Variants in RUNX1 observed in about 807,000 individuals in gnomAD.
The protein encoded by RUNX1 is runt-related transcription factor 1.
RUNX1 carries 19 observed loss-of-function variants against 42.8 expected under a neutral mutation model. The ratio of observed to expected loss-of-function variants is 0.44; its 90% CI spans 0.31 to 0.65. RUNX1 has a LOEUF of 0.65. RUNX1 is among the 30% of genes least tolerant of loss of function. The pLI, the probability that RUNX1 is intolerant of heterozygous loss-of-function variation, is 0.07. For synonymous variants in RUNX1, 271 were observed against 289.4 expected, an observed-to-expected ratio of 0.94 and a Z score of 0.64; for missense variants, 528 against 672.0, an observed-to-expected ratio of 0.79 and a Z score of 2.37.
At chr21:34,821,712 G>T in intron 7 of RUNX1, 3 of 1,557,612 alleles carry the variant, frequency 1.9e-6, no homozygotes, top group Non-Finnish European at 2.6e-6. Flanking sequence ...GGAGCCATGT[G>T]TGACCAGGGA....
intron 2 of RUNX1, among the ~76,000 whole-genome samples, chr21:34,893,782 T>A (rs371244047): frequency 0.017 from 2,035 of 121,574 alleles, 39 homozygotes; most frequent in African/African-American, 0.06. Flanking sequence ...TTTTTTTTTT[T>A]TAAAAAAAAA....
At position 34,862,122 on chromosome 21, in the gene RUNX1, G is replaced by T. The variant is rs184568747; in HGVS notation, c.509-2544C>A. ...GGGGTGCATGTGGGTGTATGAGAGA[G>T]AGAGAGAGAGAGACTGAGGTGGTTC... On this transcript the variant is annotated intron_variant, in intron 5 of 8. Transcript: ENST00000675419. Among the ~76,000 whole-genome samples, 800 of 152,152 alleles carry T rather than the reference G, an allele frequency of 5.3e-3. 6 individuals carry two copies. The highest frequency in any genetic ancestry group is 0.013 in the African/African-American group (538 of 41,446).
intron 2 of RUNX1, among the ~76,000 whole-genome samples, chr21:35,001,308 TTATATA>T (rs3059374): frequency 0.098 from 13,887 of 142,360 alleles, 754 homozygotes; most frequent in Middle Eastern, 0.15. Context: ...AGTTATGGTT[TTATATA>T]TATATATATA....
At chr21:34,970,896 A>G (rs1041475230) in intron 2 of RUNX1, among the ~76,000 whole-genome samples, 2 of 152,226 alleles carry the variant, frequency 1.3e-5, no homozygotes, top group Non-Finnish European at 2.9e-5. Flanking sequence ...AAAAGAAAAA[A>G]AAAGGTCTCC....
chr21:34,890,307 C>T (rs1046871375), intron 3 of RUNX1, among the ~76,000 whole-genome samples: 2 of 152,016 alleles, frequency 1.3e-5, no homozygotes, highest in African/African-American at 2.4e-5. Context: ...TCGTGGCCTT[C>T]GGGTCGCCCG....
chr21:34,862,255 A>G (rs1252486763), intron 5 of RUNX1, among the ~76,000 whole-genome samples: 1 of 152,098 alleles, frequency 6.6e-6, no homozygotes, highest in Non-Finnish European at 1.5e-5. Context: ...GATGCATGCA[A>G]TGTCCCTTTC....
At chr21:34,836,980 G>A (rs770522116) in intron 6 of RUNX1, among the ~76,000 whole-genome samples, 2 of 152,136 alleles carry the variant, frequency 1.3e-5, no homozygotes, top group Admixed American at 1.3e-4. Context: ...ACAACGTGAG[G>A]TATTTTTTGT....
intron 8 of RUNX1, among the ~76,000 whole-genome samples, chr21:34,796,405 C>T (rs1054622431): frequency 6.6e-6 from 1 of 152,144 alleles, no homozygotes; most frequent in Non-Finnish European, 1.5e-5. Flanking sequence ...CTTATTCAAA[C>T]CCATCAGTCT....
chr21:35,013,113 A>T (rs1281742741), intron 2 of RUNX1, among the ~76,000 whole-genome samples: 1 of 152,230 alleles, frequency 6.6e-6, no homozygotes. Flanking sequence ...CATGTATACA[A>T]ACATACTATC....
At chr21:34,852,370 G>A (rs981948472) in intron 6 of RUNX1, among the ~76,000 whole-genome samples, 5 of 152,072 alleles carry the variant, frequency 3.3e-5, no homozygotes, top group South Asian at 2.1e-4. Context: ...CACCCCAGGG[G>A]CCCTTTCAGA....
At chr21:34,988,204 G>A (rs934815670) in intron 2 of RUNX1, among the ~76,000 whole-genome samples, 4 of 152,202 alleles carry the variant, frequency 2.6e-5, no homozygotes, top group African/African-American at 9.6e-5. Context: ...AGGAAGATCA[G>A]AGAAGCCCAG....
chr21:34,947,377 TA>T (rs1183954397), intron 2 of RUNX1, among the ~76,000 whole-genome samples: 1 of 152,220 alleles, frequency 6.6e-6, no homozygotes, highest in East Asian at 1.9e-4. Flanking sequence ...GATGACTTTT[TA>T]CAAGGCTTCT....
intron 2 of RUNX1, among the ~76,000 whole-genome samples, chr21:35,027,191 G>T (rs2059243769): frequency 6.6e-6 from 1 of 152,220 alleles, no homozygotes; most frequent in African/African-American, 2.4e-5. Context: ...ACATGAAACT[G>T]ATTCCACTAC....
At chr21:34,853,029 T>G (rs962402435) in intron 6 of RUNX1, among the ~76,000 whole-genome samples, 6 of 152,202 alleles carry the variant, frequency 3.9e-5, no homozygotes, top group African/African-American at 9.6e-5. Context: ...CGAAACCCTT[T>G]GTTAAAGGGG....
intron 2 of RUNX1, among the ~76,000 whole-genome samples, chr21:34,894,796 AC>A (rs1322749698): frequency 2.0e-5 from 3 of 150,992 alleles, no homozygotes; most frequent in Non-Finnish European, 4.4e-5. Context: ...CATCATTGCT[AC>A]CCCCATTTTA....
intron 2 of RUNX1, among the ~76,000 whole-genome samples, chr21:35,017,127 T>C (rs900654045): frequency 1.2e-4 from 19 of 152,176 alleles, no homozygotes; most frequent in African/African-American, 3.9e-4. Flanking sequence ...GAATCAGTCT[T>C]TGTCTACCTT....
At chr21:35,013,678 A>G in intron 2 of RUNX1, among the ~76,000 whole-genome samples, 1 of 152,356 alleles carries the variant, frequency 6.6e-6, no homozygotes, top group South Asian at 2.1e-4. Flanking sequence ...ATGTGTCCGT[A>G]CCAAAACTCT....
At chr21:34,917,316 C>G (rs1459238038) in intron 2 of RUNX1, among the ~76,000 whole-genome samples, 1 of 152,202 alleles carries the variant, frequency 6.6e-6, no homozygotes, top group Non-Finnish European at 1.5e-5. Context: ...AAAGAGGACA[C>G]TCAGAACTTT....
At chr21:34,793,259 TATA>T (rs2056476190) in intron 8 of RUNX1, among the ~76,000 whole-genome samples, 1 of 152,232 alleles carries the variant, frequency 6.6e-6, no homozygotes, top group Admixed American at 6.5e-5. Flanking sequence ...AGGAGGATGG[TATA>T]ATATACAGTA....
Sources: gnomAD v4.1 joint callset for allele counts (sites outside exome capture counted in the v4.1 genomes callset) on GRCh38, gnomAD v4.1.1 for gene constraint, MANE v1.5 for transcripts, NCBI Gene and HGNC (gene_info 2026-07-23, HGNC 2026-07-21) for gene names.